NIPAL2: variants seen among roughly 807,000 people sequenced by gnomAD.
NIPAL2 encodes NIPA-like protein 2.
NIPAL2 carries 43 observed loss-of-function variants against 48.9 expected under a neutral mutation model. The observed-to-expected ratio is 0.88, with a 90% confidence interval of 0.69 to 1.13. The LOEUF (loss-of-function observed/expected upper bound fraction) is 1.13. NIPAL2 is among the 50% of genes most tolerant of loss of function. The pLI is 0.00. For missense variants in NIPAL2, 446 were observed against 461.4 expected (o/e 0.97, Z 0.31); for synonymous variants, 167 against 174.6 (o/e 0.96, Z 0.34).
chr8:98,221,316 G>C lies in NIPAL2; in HGVS notation c.558+1163C>G, dbSNP rs190354983. 2.7e-3 allele frequency among the ~76,000 whole-genome samples: 411 copies of C among 149,818 alleles called. 2 individuals carry two copies. The highest frequency in any genetic ancestry group is 9.6e-3 in the African/African-American group (396 of 41,054). On this transcript the variant is annotated intron_variant, in intron 5 of 10. Coordinates refer to ENST00000430223, the MANE Select transcript of NIPAL2 (RefSeq NM_001321635.2). ...ATACATCTCTTGGCATTGTAGTACT[G>C]TTGTGTGCTCCTCTCAGACAGTCTG... is the stretch of plus-strand genomic sequence containing the variant.
chr8:98,207,235 A>T (rs907992102), intron 6 of NIPAL2, among the ~76,000 whole-genome samples: 1 of 152,230 alleles, frequency 6.6e-6, no homozygotes, highest in Non-Finnish European at 1.5e-5. Flanking sequence ...ATTTTATATT[A>T]TACTTAAACA....
chr8:98,195,850 T>C (rs1404722656), intron 9 of NIPAL2, 92 bp downstream of exon 9: 3 of 820,500 alleles, frequency 3.7e-6, no homozygotes, highest in Non-Finnish European at 5.8e-6. Context: ...CTTATATTAT[T>C]TTCCAATTTT....
At chr8:98,196,272 C>A (rs887984116) in intron 8 of NIPAL2, among the ~76,000 whole-genome samples, 1 of 152,160 alleles carries the variant, frequency 6.6e-6, no homozygotes, top group Non-Finnish European at 1.5e-5. Context: ...GCAGAAATTT[C>A]TCATCCAGCC....
rs116690840 is a variant in NIPAL2 at position 98,240,109 on chromosome 8, A to G, written c.377-3895T>C. Among the ~76,000 whole-genome samples, 978 of 152,368 alleles carry G rather than the reference A, an allele frequency of 6.4e-3. 13 individuals carry two copies. Among genetic ancestry groups the G allele is most frequent in the African/African-American group, 0.022 (897 of 41,584 alleles). ...ATCACTTAAAAAGCATGAAAACAGA[A>G]CATAGCTGTAAATTAAACAGATTTG... On this transcript the variant is annotated intron_variant, in intron 3 of 10. Coordinates refer to ENST00000430223, the MANE Select transcript of NIPAL2 (RefSeq NM_001321635.2).
At chr8:98,275,820 A>G (rs1256478014) in intron 1 of NIPAL2, among the ~76,000 whole-genome samples, 1 of 152,130 alleles carries the variant, frequency 6.6e-6, no homozygotes, top group Non-Finnish European at 1.5e-5. Flanking sequence ...AAAAGCTTCC[A>G]TTTGTTTTAA....
At chr8:98,277,954 C>T (rs1431771791) in intron 1 of NIPAL2, among the ~76,000 whole-genome samples, 1 of 152,012 alleles carries the variant, frequency 6.6e-6, no homozygotes, top group Non-Finnish European at 1.5e-5. Flanking sequence ...CTTCAGTGTC[C>T]TTCTTCCTGA....
At chr8:98,289,245 G>A (rs1231986539) in intron 1 of NIPAL2, among the ~76,000 whole-genome samples, 1 of 152,056 alleles carries the variant, frequency 6.6e-6, no homozygotes, top group Non-Finnish European at 1.5e-5. Context: ...ACCAGGCCAT[G>A]TATGCTGTAA....
chr8:98,252,753 T>G, intron 2 of NIPAL2, 119 bp from the exon 3 acceptor site: 2 of 874,044 alleles, frequency 2.3e-6, no homozygotes, highest in Admixed American at 3.5e-5. Context: ...TTTTGTATTT[T>G]TTTTTAAGAA....
chr8:98,284,405 C>G (rs1816033629), intron 1 of NIPAL2, among the ~76,000 whole-genome samples: 2 of 89,262 alleles, frequency 2.2e-5, no homozygotes, highest in Non-Finnish European at 4.5e-5. Context: ...GGCATTCTCT[C>G]TCTCTCTCTC....
At chr8:98,259,915 C>A (rs1814189165) in intron 1 of NIPAL2, among the ~76,000 whole-genome samples, 1 of 152,172 alleles carries the variant, frequency 6.6e-6, no homozygotes, top group Admixed American at 6.5e-5. Flanking sequence ...CAATGAACCC[C>A]CAGCTGACGA....
At chr8:98,236,928 A>C (rs987259718) in intron 3 of NIPAL2, among the ~76,000 whole-genome samples, 1 of 151,084 alleles carries the variant, frequency 6.6e-6, no homozygotes, top group Non-Finnish European at 1.5e-5. Context: ...ATTTCCCAGC[A>C]TCTCCTCCTA....
intron 5 of NIPAL2, among the ~76,000 whole-genome samples, chr8:98,216,098 A>C (rs1384926538): frequency 6.6e-6 from 1 of 152,214 alleles, no homozygotes; most frequent in African/African-American, 2.4e-5. Context: ...TTCTCTGTCT[A>C]AAACAAATGA....
At chr8:98,251,659 T>G (rs1387231890) in intron 3 of NIPAL2, 1 of 152,236 alleles carries the variant, frequency 6.6e-6, no homozygotes, top group Non-Finnish European at 1.5e-5. Context: ...TGATGTTTTC[T>G]TTAAGAATAT....
At chr8:98,196,163 A>G (rs1438153911) in intron 8 of NIPAL2, among the ~76,000 whole-genome samples, 158 bp from the exon 9 acceptor site, 1 of 152,242 alleles carries the variant, frequency 6.6e-6, no homozygotes, top group Admixed American at 6.5e-5. Context: ...GAAAATTTGC[A>G]TGCCACACAT....
At position 98,228,150 on chromosome 8, in the gene NIPAL2, C is replaced by T. The variant is rs990978355; in HGVS notation, c.437-5550G>A. On this transcript the variant is annotated intron_variant, in intron 4 of 10. Coordinates refer to ENST00000430223, the MANE Select transcript of NIPAL2 (RefSeq NM_001321635.2). ...GATTCAAGACCATCCTTCCTACCCT[C>T]TTCAGTGCCTCTTTCAGCAATATGA... is the stretch of plus-strand genomic sequence containing the variant. Among the ~76,000 whole-genome samples, 4 of 152,230 alleles carry T rather than the reference C, an allele frequency of 2.6e-5. No individual in the cohort carries two copies. In the East Asian group the frequency reaches 7.7e-4, roughly 29 times the overall value.
chr8:98,230,241 C>A (rs1476698821), intron 4 of NIPAL2, among the ~76,000 whole-genome samples: 2 of 152,184 alleles, frequency 1.3e-5, no homozygotes, highest in Admixed American at 6.5e-5. Context: ...AGGCCATATG[C>A]AGCATCCTCA....
intron 4 of NIPAL2, among the ~76,000 whole-genome samples, chr8:98,224,610 C>T (rs996230087): frequency 1.1e-4 from 16 of 151,988 alleles, no homozygotes; most frequent in African/African-American, 2.9e-4. Flanking sequence ...TGTATATCTT[C>T]GTTGCGTTTC....
At chr8:98,259,115 C>G (rs1316772694) in intron 1 of NIPAL2, among the ~76,000 whole-genome samples, 1 of 117,780 alleles carries the variant, frequency 8.5e-6, no homozygotes, top group Non-Finnish European at 1.6e-5. Flanking sequence ...TTCGCTCTGT[C>G]GCCCAGGCTG....
chr8:98,246,084 G>A (rs532974832), intron 3 of NIPAL2, among the ~76,000 whole-genome samples: 1 of 152,134 alleles, frequency 6.6e-6, no homozygotes, highest in Non-Finnish European at 1.5e-5. Flanking sequence ...TTTGTGTAAC[G>A]CTATGGGTCA....
Sources: allele counts gnomAD v4.1 joint callset (sites outside exome capture counted in the v4.1 genomes callset), GRCh38; gene constraint gnomAD v4.1.1; transcripts MANE v1.5; gene names NCBI Gene and HGNC (gene_info 2026-07-23, HGNC 2026-07-21).